Variants in LY86 observed in about 807,000 individuals in gnomAD.
LY86 encodes the protein lymphocyte antigen 86, also known as MD-1, RP105-associated.
LY86 carries 20 observed loss-of-function variants against 17.3 expected under a neutral mutation model. The observed-to-expected ratio is 1.15, with a 90% CI of 0.81 to 1.68. The LOEUF is 1.68. Among genes scored for constraint, LY86 ranks in the 40% most tolerant of loss-of-function variants. LY86 has a pLI of 0.00. For missense variants in LY86, 200 were observed against 191.9 expected (o/e 1.04, Z -0.25); for synonymous variants, 74 against 70.6 (o/e 1.05, Z -0.24).
At chr6:6,620,062 C>T (rs1177764344) in intron 1 of LY86, among the ~76,000 whole-genome samples, 2 of 152,044 alleles carry the variant, frequency 1.3e-5, no homozygotes, top group Non-Finnish European at 2.9e-5. Flanking sequence ...TCTACCTTCC[C>T]CTGAGAGGAG....
At chr6:6,615,203 C>G (rs538689818) in intron 1 of LY86, among the ~76,000 whole-genome samples, 1 of 152,266 alleles carries the variant, frequency 6.6e-6, no homozygotes, top group South Asian at 2.1e-4. Flanking sequence ...ATTTGAAAAC[C>G]AGGCAGCACC....
chr6:6,607,384 GAGA>G (rs1370575556), intron 1 of LY86, among the ~76,000 whole-genome samples: 1 of 152,114 alleles, frequency 6.6e-6, no homozygotes, highest in Non-Finnish European at 1.5e-5. Flanking sequence ...ATAGGAAAAA[GAGA>G]AGTTTATTTT....
chr6:6,647,525 A>G, intron 3 of LY86, among the ~76,000 whole-genome samples: 1 of 152,104 alleles, frequency 6.6e-6, no homozygotes, highest in East Asian at 1.9e-4. Flanking sequence ...AGGTCACCAA[A>G]TGACCTCCAT....
chr6:6,617,646 G>A (rs1300006673), intron 1 of LY86, among the ~76,000 whole-genome samples: 1 of 152,114 alleles, frequency 6.6e-6, no homozygotes, highest in Non-Finnish European at 1.5e-5. Context: ...AATGAATGAT[G>A]AGCCAAGTTG....
At chr6:6,591,131 C>G (rs904250949) in intron 1 of LY86, 1 of 153,786 alleles carries the variant, frequency 6.5e-6, no homozygotes, top group African/African-American at 2.4e-5. Flanking sequence ...AAGGTTGCCA[C>G]AGCTGATCTG....
At chr6:6,605,830 C>T (rs12200071) in intron 1 of LY86, among the ~76,000 whole-genome samples, 1 of 151,868 alleles carries the variant, frequency 6.6e-6, no homozygotes, top group Non-Finnish European at 1.5e-5. Flanking sequence ...GGCTGACTTT[C>T]CCGGTGAATG....
chr6:6,617,528 A>G (rs934101460), intron 1 of LY86, among the ~76,000 whole-genome samples: 1 of 152,246 alleles, frequency 6.6e-6, no homozygotes, highest in African/African-American at 2.4e-5. Flanking sequence ...TTTATTATTC[A>G]GTAGTGTGTT....
chr6:6,594,073 T>C (rs1760624022), intron 1 of LY86, among the ~76,000 whole-genome samples: 1 of 152,226 alleles, frequency 6.6e-6, no homozygotes, highest in South Asian at 2.1e-4. Context: ...ATTGTATTTT[T>C]TGGCAAGGGC....
intron 1 of LY86, among the ~76,000 whole-genome samples, chr6:6,612,177 C>G (rs990650956): frequency 6.9e-6 from 1 of 145,696 alleles, no homozygotes; most frequent in South Asian, 2.2e-4. Flanking sequence ...GGTTCTTGGT[C>G]TCACTGACTT....
intron 1 of LY86, among the ~76,000 whole-genome samples, chr6:6,616,636 T>C (rs577450656): frequency 6.6e-6 from 1 of 152,330 alleles, no homozygotes; most frequent in East Asian, 1.9e-4. Flanking sequence ...TCCCAGCCAG[T>C]TTGTCAGTTC....
At chr6:6,602,396 G>C (rs549020652) in intron 1 of LY86, among the ~76,000 whole-genome samples, 1 of 152,166 alleles carries the variant, frequency 6.6e-6, no homozygotes, top group Non-Finnish European at 1.5e-5. Context: ...AAAGACAGCC[G>C]AAGGCAAGAA....
At chr6:6,603,154 T>C (rs1190983703) in intron 1 of LY86, among the ~76,000 whole-genome samples, 1 of 152,100 alleles carries the variant, frequency 6.6e-6, no homozygotes, top group Non-Finnish European at 1.5e-5. Flanking sequence ...ACTTGTCCCA[T>C]TCATGAGGGT....
chr6:6,599,654 C>G (rs963290059), intron 1 of LY86, among the ~76,000 whole-genome samples: 1 of 152,216 alleles, frequency 6.6e-6, no homozygotes, highest in African/African-American at 2.4e-5. Context: ...AGAGAGGGGT[C>G]AGCATTCTGC....
chr6:6,647,106 A>G (rs1023747987), intron 3 of LY86, among the ~76,000 whole-genome samples: 2 of 152,144 alleles, frequency 1.3e-5, no homozygotes, highest in African/African-American at 4.8e-5. Flanking sequence ...CAGGAGCCCC[A>G]CTATTGGTTT....
chr6:6,654,375 C>T (rs1762230052), intron 4 of LY86, among the ~76,000 whole-genome samples, 169 bp from the exon 5 acceptor site: 1 of 152,248 alleles, frequency 6.6e-6, no homozygotes, highest in African/African-American at 2.4e-5. Flanking sequence ...GTCTGTCTCT[C>T]CCAGAGATGC....
intron 1 of LY86, among the ~76,000 whole-genome samples, chr6:6,605,167 T>C (rs1254243434): frequency 2.0e-5 from 3 of 152,170 alleles, no homozygotes; most frequent in Non-Finnish European, 4.4e-5. Flanking sequence ...TCAATGAATG[T>C]AATGATGATA....
At chr6:6,605,494 G>A (rs750322906) in intron 1 of LY86, among the ~76,000 whole-genome samples, 2 of 152,258 alleles carry the variant, frequency 1.3e-5, no homozygotes, top group South Asian at 2.1e-4. Flanking sequence ...ATTAGCCAGA[G>A]ATCAGTGCCT....
chr6:6,619,172 A>T (rs1274527025), intron 1 of LY86, among the ~76,000 whole-genome samples: 2 of 152,244 alleles, frequency 1.3e-5, no homozygotes, highest in Non-Finnish European at 2.9e-5. Flanking sequence ...TTCTAGATCC[A>T]TGCCCAACTA....
intron 1 of LY86, among the ~76,000 whole-genome samples, chr6:6,602,618 G>C (rs1017901427): frequency 6.6e-6 from 1 of 152,154 alleles, no homozygotes; most frequent in East Asian, 1.9e-4. Context: ...AGACAGGGAA[G>C]AAAAAGAAGC....
Sources: allele counts gnomAD v4.1 joint callset (sites outside exome capture counted in the v4.1 genomes callset), GRCh38; gene constraint gnomAD v4.1.1; transcripts MANE v1.5; gene names NCBI Gene and HGNC (gene_info 2026-07-23, HGNC 2026-07-21).